The following MCUR1 variants were observed in gnomAD, a reference collection of about 807,000 sequenced individuals.
MCUR1 encodes mitochondrial calcium uniporter regulator 1.
In MCUR1, 37 loss-of-function variants were observed where a neutral mutation model predicts 42.0. That is an observed-to-expected ratio of 0.88 (90% confidence interval 0.68 to 1.16). The LOEUF is 1.16. Ranked by LOEUF, MCUR1 falls within the 50% of genes most tolerant of loss-of-function variation. The pLI, the probability that MCUR1 is intolerant of heterozygous loss-of-function variation, is 0.00. For synonymous variants in MCUR1, 229 were observed against 196.2 expected (o/e 1.17, Z -1.40); for missense variants, 469 against 468.4 (o/e 1.00, Z -0.01).
intron 1 of MCUR1, among the ~76,000 whole-genome samples, chr6:13,810,033 T>A (rs1481107269): frequency 1.3e-5 from 2 of 151,938 alleles, no homozygotes; most frequent in African/African-American, 4.8e-5. Flanking sequence ...TGAAACCCCG[T>A]ATCTACTAAA....
rs77724935 is a variant in MCUR1 at position 13,795,607 on chromosome 6, C to T, written c.856-1660G>A. On this transcript the variant is annotated intron_variant, in intron 6 of 8. Transcript: ENST00000379170. ...CTACTGCCTTGTGCTTCAGAGTAAT[C>T]CAAGTTTATGATTACCAAGAACAAC... Among the ~76,000 whole-genome samples, 771 of 152,238 alleles carry T rather than the reference C, an allele frequency of 5.1e-3. 4 individuals are homozygous for T. The highest frequency in any genetic ancestry group is 0.017 in the African/African-American group (705 of 41,522).
intron 3 of MCUR1, among the ~76,000 whole-genome samples, chr6:13,801,839 T>G (rs1231570996): frequency 2.0e-5 from 3 of 151,852 alleles, no homozygotes; most frequent in Non-Finnish European, 4.4e-5. Context: ...GGCAAATGAG[T>G]GATACCCTGT....
At chr6:13,806,255 AAAAAAGAAAG>A (rs1760109591) in intron 2 of MCUR1, among the ~76,000 whole-genome samples, 2 of 152,190 alleles carry the variant, frequency 1.3e-5, no homozygotes, top group African/African-American at 4.8e-5. Flanking sequence ...CCATCTCAAA[AAAAAAGAAAG>A]AAAAAGAAAA....
Position 13,790,843 on chromosome 6 carries a change from G to A in MCUR1, c.1046C>T (p.Thr349Ile). The change falls in exon 9 of 9, where the codon ACA becomes ATA. Residue 349 changes from threonine to isoleucine, a missense_variant. Coordinates refer to ENST00000379170, the MANE Select transcript of MCUR1 (RefSeq NM_001031713.4). ...YLAGSIFTCL[T>I]VALGFYRLWI Reference sequence around the variant, plus strand: ...CAGGCGATAAAATCCCAGAGCTACTGTTAGGCACGTAAATATAGACCCTGT... The same window carrying A: ...CAGGCGATAAAATCCCAGAGCTACTATTAGGCACGTAAATATAGACCCTGT... The A allele has an allele frequency of 6.2e-7, 1 of 1,611,494 alleles. No homozygotes were observed. Among genetic ancestry groups the A allele is most frequent in the Non-Finnish European group, 8.5e-7 (1 of 1,177,968 alleles).
intron 6 of MCUR1, among the ~76,000 whole-genome samples, chr6:13,794,347 T>C (rs1183223224): frequency 6.6e-6 from 1 of 152,150 alleles, no homozygotes; most frequent in Non-Finnish European, 1.5e-5. Flanking sequence ...TGTCTTTAGG[T>C]CCCTCCCACT....
Position 13,814,202 on chromosome 6 carries a change from G to C in MCUR1, c.228C>G (p.Pro76=). 1.4e-6 allele frequency: 2 copies of C among 1,412,442 alleles called. No homozygotes were observed. The highest frequency in any genetic ancestry group is 1.8e-6 in the Non-Finnish European group (2 of 1,091,516). 87.5% of individuals were successfully genotyped at this position (1,412,442 alleles called of 1,614,324 possible). A position where few individuals can be genotyped will look rare whatever the true frequency, so the allele number is the denominator to read the frequency against. Reference sequence around the variant, plus strand: ...GGGCTGCGGCGGCCAAGCGCGGGGAGGGCACTAGCAGGAGGAGGAGCAGCG... The same window carrying C: ...GGGCTGCGGCGGCCAAGCGCGGGGACGGCACTAGCAGGAGGAGGAGCAGCG... ...ASPLLLLLLV[P]SPRLAAAAPR... The change falls in exon 1 of 9, where the codon CCC becomes CCG. Residue 76 remains proline (P), a synonymous_variant. Coordinates refer to ENST00000379170, the MANE Select transcript of MCUR1 (RefSeq NM_001031713.4).
intron 8 of MCUR1, among the ~76,000 whole-genome samples, chr6:13,791,120 G>A (rs896889689): frequency 3.9e-5 from 6 of 152,044 alleles, no homozygotes; most frequent in Non-Finnish European, 8.8e-5. Context: ...AGCTCACTGT[G>A]CCTCAAACTC....
chr6:13,792,549 G>A (rs549981104), intron 7 of MCUR1, among the ~76,000 whole-genome samples: 23 of 152,270 alleles, frequency 1.5e-4, no homozygotes, highest in Middle Eastern at 3.4e-3. Flanking sequence ...TCATTACTAT[G>A]AGGCTTGGCT....
At chr6:13,792,223 C>A (rs200628904) in intron 7 of MCUR1, among the ~76,000 whole-genome samples, 1 of 152,150 alleles carries the variant, frequency 6.6e-6, no homozygotes, top group East Asian at 1.9e-4. Context: ...CAGAACAAAA[C>A]GAAACAACCA....
intron 3 of MCUR1, 117 bp downstream of exon 3, chr6:13,802,125 TA>T: frequency 1.5e-6 from 1 of 665,128 alleles, no homozygotes; most frequent in Non-Finnish European, 2.5e-6. Context: ...TTAATCATGG[TA>T]AAAGTTACTA....
At chr6:13,798,516 A>C (rs1004606743) in intron 6 of MCUR1, among the ~76,000 whole-genome samples, 2 of 152,162 alleles carry the variant, frequency 1.3e-5, no homozygotes, top group Non-Finnish European at 2.9e-5. Context: ...AGACCTATGA[A>C]GATTTAAGTC....
chr6:13,807,205 G>C (rs900564506), intron 1 of MCUR1, among the ~76,000 whole-genome samples, 161 bp from the exon 2 acceptor site: 5 of 152,164 alleles, frequency 3.3e-5, no homozygotes, highest in Non-Finnish European at 7.3e-5. Context: ...AGTTCAATAG[G>C]TTTTGGCATA....
rs764712741 is a variant in MCUR1 at position 13,802,338 on chromosome 6, T to G, written c.544A>C (p.Thr182Pro). The change falls in exon 3 of 9, where the codon ACT (threonine) becomes CCT (proline). Residue 182 changes from threonine (T) to proline (P), a missense_variant. Transcript: ENST00000379170. ...GACACAATGATTTCTGCTTGTTGAGTAGCAAACCCTAAGCAAGCACACAAG... is the reference window on the plus strand; with the variant it reads ...GACACAATGATTTCTGCTTGTTGAGGAGCAAACCCTAAGCAAGCACACAAG... ...VCLLEDNGFATQQAEIIVSAL... is the reference protein window; with the variant it reads ...VCLLEDNGFAPQQAEIIVSAL... 6.2e-7 allele frequency: 1 copy of G among 1,613,122 alleles called. No homozygotes were observed. Among genetic ancestry groups the G allele is most frequent in the Non-Finnish European group, 8.5e-7 (1 of 1,179,352 alleles).
At position 13,811,103 on chromosome 6, in the gene MCUR1, C is replaced by G. The variant is rs930539080; in HGVS notation, c.415+2912G>C. 3.3e-5 allele frequency among the ~76,000 whole-genome samples: 5 copies of G among 152,266 alleles called. No individual in the cohort carries two copies. The Middle Eastern group carries it at 0.01, about 313-fold the overall frequency. ...AGTATACATTATGTTCCAGGTGTGG[C>G]ATTTTCTTTTTTACACTTTATGGTT... On this transcript the variant is annotated intron_variant, in intron 1 of 8. Coordinates refer to ENST00000379170, the MANE Select transcript of MCUR1 (RefSeq NM_001031713.4).
chr6:13,802,889 A>G (rs569709260), intron 2 of MCUR1, among the ~76,000 whole-genome samples: 1 of 152,220 alleles, frequency 6.6e-6, no homozygotes. Context: ...GACTATATAA[A>G]TAGTAATCTA....
rs992286211 is a variant in MCUR1, at chr6:13,788,585, C to T, written c.*2224G>A. The T allele has an allele frequency of 1.3e-5, 2 of 152,212 alleles. No individual in the cohort carries two copies. Among genetic ancestry groups the T allele is most frequent in the East Asian group, 1.9e-4 (1 of 5,198 alleles). 9.4% of individuals were successfully genotyped at this position (152,212 alleles called of 1,614,324 possible). On this transcript the variant is annotated 3_prime_UTR_variant, in exon 9 of 9. Transcript: ENST00000379170. Reference sequence around the variant, plus strand: ...AGGACACTTCACTGTTTTTAACCCACACAAGGTTAGGTAATGTTTACCTTG... The same window carrying T: ...AGGACACTTCACTGTTTTTAACCCATACAAGGTTAGGTAATGTTTACCTTG...
At position 13,787,766 on chromosome 6, in the gene MCUR1, GT is replaced by G. The variant is rs1293015417; in HGVS notation, c.*3042del. On this transcript the variant is annotated 3_prime_UTR_variant, in exon 9 of 9. Transcript: ENST00000379170. The stretch of plus-strand genomic sequence containing the variant: ...GCTAGACATAGGTTGCTAGCTAGAA[GT>G]TTTGCCAGCCATCTTCCCCCCTCCT... The G allele has an allele frequency of 6.6e-6, 1 of 152,264 alleles. No homozygotes were observed. Among genetic ancestry groups the G allele is most frequent in the Non-Finnish European group, 1.5e-5 (1 of 68,102 alleles). The allele number at this position is 152,264 out of a possible 1,614,324, so 9.4% of individuals were successfully genotyped here. A position where few individuals can be genotyped will look rare whatever the true frequency, so the allele number is the denominator to read the frequency against.
chr6:13,790,651 C>A lies in MCUR1; in HGVS notation c.*158G>T. ...ATTTTTTAGTAGAGACGGGGTTTCA[C>A]CGTGTTGGCCAGGCTGGTCTCGAAC... On this transcript the variant is annotated 3_prime_UTR_variant, in exon 9 of 9. Coordinates refer to ENST00000379170, the MANE Select transcript of MCUR1 (RefSeq NM_001031713.4). The A allele has an allele frequency of 2.2e-6, 1 of 463,086 alleles. No individual in the cohort carries two copies. The highest frequency in any genetic ancestry group is 4.0e-6 in the Non-Finnish European group (1 of 248,514). The allele number at this position is 463,086 out of a possible 1,614,324, so 28.7% of individuals were successfully genotyped here.
rs1759664717 is a variant in MCUR1 at position 13,788,972 on chromosome 6, T to C, written c.*1837A>G. 1 of 152,346 alleles carries C rather than the reference T, an allele frequency of 6.6e-6. No homozygotes were observed. The highest frequency in any genetic ancestry group is 2.1e-4 in the South Asian group (1 of 4,832). The allele number at this position is 152,346 out of a possible 1,614,324, so 9.4% of individuals were successfully genotyped here. A position where few individuals can be genotyped will look rare whatever the true frequency, so the allele number is the denominator to read the frequency against. ...TTTTTTACCAATGTGGTTGGAACAG[T>C]GACAACGAGCAATGTATTCACCAAA... On this transcript the variant is annotated 3_prime_UTR_variant, in exon 9 of 9. Transcript: ENST00000379170.
Sources: allele counts gnomAD v4.1 joint callset (sites outside exome capture counted in the v4.1 genomes callset), GRCh38; gene constraint gnomAD v4.1.1; transcripts MANE v1.5; gene names NCBI Gene and HGNC (gene_info 2026-07-23, HGNC 2026-07-21).